The following CYP27B1 variants were observed in gnomAD, a reference collection of about 807,000 sequenced individuals.
The protein encoded by CYP27B1 is cytochrome P450 family 27 subfamily B member 1.
Under a neutral mutation model 54.8 loss-of-function variants are expected in CYP27B1, and 46 were observed. The observed-to-expected ratio is 0.84, with a 90% CI of 0.66 to 1.07. CYP27B1 has a LOEUF of 1.07. Among genes scored for constraint, CYP27B1 ranks in the 50% least tolerant of loss-of-function variants. The pLI is 0.00. For missense variants in CYP27B1, 674 were observed against 692.2 expected, an observed-to-expected ratio of 0.97 and a Z score of 0.30; for synonymous variants, 292 against 297.3, an observed-to-expected ratio of 0.98 and a Z score of 0.18.
At chr12:57,766,389 G>A (rs1955360904) in intron 1 of CYP27B1, 192 bp from the exon 2 acceptor site, 3 of 765,238 alleles carry the variant, frequency 3.9e-6, no homozygotes, top group Non-Finnish European at 5.9e-6. Context: ...AAGTTTGAGT[G>A]TGATGGGCAA....
chr12:57,763,968 A>G (rs931210968), intron 7 of CYP27B1, 130 bp downstream of exon 7: 1 of 1,073,428 alleles, frequency 9.3e-7, no homozygotes, highest in African/African-American at 1.6e-5. Flanking sequence ...ATTACATCCT[A>G]GAAAGGCATA....
chr12:57,763,215 G>T lies in CYP27B1; in HGVS notation c.1454C>A (p.Ala485Asp). Reference sequence around the variant, plus strand: ...AGTCCGGGTCTTGGGTCTAACTGGGGCCGCACCTGGCTCAGGCTGCACCTC... The same window carrying T: ...AGTCCGGGTCTTGGGTCTAACTGGGTCCGCACCTGGCTCAGGCTGCACCTC... Reference protein sequence around the residue: ...HFEVQPEPGAAPVRPKTRTVL... With the variant: ...HFEVQPEPGADPVRPKTRTVL... The change falls in exon 9 of 9, where the codon GCC (alanine) becomes GAC (aspartate). Residue 485 changes from alanine to aspartate, a missense_variant. Transcript: ENST00000228606. 6.2e-7 allele frequency: 1 copy of T among 1,614,172 alleles called. No homozygotes were observed. The highest frequency in any genetic ancestry group is 8.5e-7 in the Non-Finnish European group (1 of 1,180,018).
chr12:57,765,882 A>C lies in CYP27B1; in HGVS notation c.386+125T>G. The C allele has an allele frequency of 1.4e-6, 2 of 1,429,848 alleles. No homozygotes were observed. Among genetic ancestry groups the C allele is most frequent in the Non-Finnish European group, 1.8e-6 (2 of 1,093,182 alleles). The allele number at this position is 1,429,848 out of a possible 1,614,324, so 88.6% of individuals were successfully genotyped here. On this transcript the variant is annotated intron_variant, in intron 2 of 8. Coordinates refer to ENST00000228606, the MANE Select transcript of CYP27B1 (RefSeq NM_000785.4). This position sits in a 1 kb window ranked among gnomAD's most constrained non-coding sequence, Gnocchi z 5.8. ...GAAGCAGACTGGGATGGGAACCCCAAGATGCCCAATGGTAGAGTGGGACAG... is the reference window on the plus strand; with the variant it reads ...GAAGCAGACTGGGATGGGAACCCCACGATGCCCAATGGTAGAGTGGGACAG...
chr12:57,765,081 G>A lies in CYP27B1; in HGVS notation c.720C>T (p.His240=), dbSNP rs770528985. Residue 240 remains histidine (H), a synonymous_variant, in exon 4 of 9, where the codon CAC becomes CAT. Transcript: ENST00000228606. This position sits in a 1 kb window ranked among gnomAD's most constrained non-coding sequence, Gnocchi z 5.8. ...GCCCAGGCACAAGGTGGCGCAGCCA[G>A]TGGGGCATCGCCATGGTCAACAGCG... The part of the protein sequence containing the change: ...VSTLLTMAMP[H]WLRHLVPGPW... 1 of 1,613,878 alleles carries A rather than the reference G, an allele frequency of 6.2e-7. No homozygotes were observed. The highest frequency in any genetic ancestry group is 8.5e-7 in the Non-Finnish European group (1 of 1,180,036).
chr12:57,763,349 T>G, intron 8 of CYP27B1, 94 bp from the exon 9 acceptor site: 1 of 994,906 alleles, frequency 1.0e-6, no homozygotes, highest in Non-Finnish European at 1.6e-6. Flanking sequence ...GCATTATTAG[T>G]GTTAGAATGG....
rs387906260 is a variant in CYP27B1 at position 57,766,130 on chromosome 12, AC to A, written c.262del (p.Val88TrpfsTer71). On this transcript the variant is annotated frameshift_variant, in exon 2 of 9. Coordinates refer to ENST00000228606, the MANE Select transcript of CYP27B1 (RefSeq NM_000785.4). LOFTEE classifies it high-confidence loss of function. Reference protein sequence around the residue: ...ASFGTVRTVYVAAPALVEELL... With the variant: ...ASFGTVRTVYXAAPALVEELL... ...CTCCTCGACGAGTGCAGGGGCAGCCACGTACACGGTGCGCACTGTCCCAAAG... is the reference window on the plus strand; with the variant it reads ...CTCCTCGACGAGTGCAGGGGCAGCCAGTACACGGTGCGCACTGTCCCAAAG... The A allele has an allele frequency of 3.0e-5, 47 of 1,546,336 alleles. No individual in the cohort carries two copies. The highest frequency in any genetic ancestry group is 3.9e-5 in the Non-Finnish European group (45 of 1,149,016).
At position 57,765,813 on chromosome 12, in the gene CYP27B1, G is replaced by A. The variant is rs1270311598; in HGVS notation, c.386+194C>T. 8.9e-6 allele frequency: 10 copies of A among 1,127,182 alleles called. No individual in the cohort carries two copies. Among genetic ancestry groups the A allele is most frequent in the Middle Eastern group, 2.8e-4 (1 of 3,566 alleles). 69.8% of individuals were successfully genotyped at this position (1,127,182 alleles called of 1,614,324 possible). On this transcript the variant is annotated intron_variant, in intron 2 of 8. Transcript: ENST00000228606. The surrounding 1 kb of genome is among the most constrained non-coding windows in gnomAD (Gnocchi z 5.8). ...CAGGATTCGGGCCTCAAAGGATAAG[G>A]AGGTAGGCGGGGAGTGAGGTTGGGG...
rs1174482641 is a variant in CYP27B1 at position 57,766,938 on chromosome 12, C to G, written c.104G>C (p.Arg35Pro). The G allele has an allele frequency of 6.2e-7, 1 of 1,614,032 alleles. No homozygotes were observed. Among genetic ancestry groups the G allele is most frequent in the Non-Finnish European group, 8.5e-7 (1 of 1,180,024 alleles). ...LGYREYHSAR[R>P]SLADIPGPST... ...GGGGCCTGGGATGTCTGCCAAGCTC[C>G]GGCGTGCTGAGTGGTACTCTCGGTA... is the stretch of plus-strand genomic sequence containing the variant. Residue 35 changes from arginine to proline, a missense_variant, in exon 1 of 9, where the codon CGG becomes CCG. Transcript: ENST00000228606.
chr12:57,766,609 G>C, intron 1 of CYP27B1: 1 of 597,886 alleles, frequency 1.7e-6, no homozygotes, highest in Non-Finnish European at 3.0e-6. Context: ...TTATCTGCAG[G>C]ATCTCCACAC....
chr12:57,765,770 T>TCCGGTTCCC lies in CYP27B1; in HGVS notation c.386+228_386+236dup. 2.3e-6 allele frequency: 2 copies of TCCGGTTCCC among 864,826 alleles called. No individual in the cohort carries two copies. The highest frequency in any genetic ancestry group is 2.7e-5 in the East Asian group (1 of 37,314). 53.6% of individuals were successfully genotyped at this position (864,826 alleles called of 1,614,324 possible). A position where few individuals can be genotyped will look rare whatever the true frequency, so the allele number is the denominator to read the frequency against. The stretch of plus-strand genomic sequence containing the variant: ...GATCCTTGTACCCTAGCCCAATTCC[T>TCCGGTTCCC]CCGGTTCCCCCAGTTCCCAGGATTC... On this transcript the variant is annotated intron_variant, in intron 2 of 8. Coordinates refer to ENST00000228606, the MANE Select transcript of CYP27B1 (RefSeq NM_000785.4). The surrounding 1 kb of genome is among the most constrained non-coding windows in gnomAD (Gnocchi z 5.8).
rs370689065 is a variant in CYP27B1, at chr12:57,766,082, C to T, written c.311G>A (p.Arg104Gln). The T allele has an allele frequency of 2.1e-5, 32 of 1,551,396 alleles. No individual in the cohort carries two copies. The highest frequency in any genetic ancestry group is 2.7e-5 in the Non-Finnish European group (31 of 1,152,466). ...GGGCGAGAAGCTGCAGCGCTCGGGC[C>T]GGGGTCCCTCCTGTCGCAGCAGCTC... Reference protein sequence around the residue: ...VEELLRQEGPRPERCSFSPWT... With the variant: ...VEELLRQEGPQPERCSFSPWT... Residue 104 changes from arginine (R) to glutamine (Q), a missense_variant, in exon 2 of 9, where the codon CGG (arginine) becomes CAG (glutamine). By Grantham distance (43) the Arg-to-Gln change is conservative. Coordinates refer to ENST00000228606, the MANE Select transcript of CYP27B1 (RefSeq NM_000785.4).
chr12:57,763,477 G>A lies in CYP27B1; in HGVS notation c.1413+134C>T, dbSNP rs1453391599. 5 of 947,060 alleles carry A rather than the reference G, an allele frequency of 5.3e-6. No homozygotes were observed. In the African/African-American group the frequency reaches 6.5e-5, roughly 12 times the overall value. The allele number at this position is 947,060 out of a possible 1,614,324, so 58.7% of individuals were successfully genotyped here. A position where few individuals can be genotyped will look rare whatever the true frequency, so the allele number is the denominator to read the frequency against. ...CACTTACACTCCAGGCCTATAATGG[G>A]CTTATCATATTTCAGAAGATTCATT... On this transcript the variant is annotated intron_variant, in intron 8 of 8. Transcript: ENST00000228606.
intron 1 of CYP27B1, 166 bp from the exon 2 acceptor site, chr12:57,766,363 A>C: frequency 2.1e-6 from 2 of 947,676 alleles, no homozygotes; most frequent in South Asian, 2.1e-5. Flanking sequence ...CTCCTCTCTC[A>C]TTTCCCATCC....
chr12:57,766,477 T>C (rs1054280320), intron 1 of CYP27B1: 22 of 569,074 alleles, frequency 3.9e-5, no homozygotes, highest in Middle Eastern at 9.1e-4. Flanking sequence ...AAAAGTTCCA[T>C]GTCTGGACTG....
chr12:57,765,797 G>A lies in CYP27B1; in HGVS notation c.386+210C>T. ...CGGTTCCCCCAGTTCCCAGGATTCG[G>A]GCCTCAAAGGATAAGGAGGTAGGCG... On this transcript the variant is annotated intron_variant, in intron 2 of 8. Coordinates refer to ENST00000228606, the MANE Select transcript of CYP27B1 (RefSeq NM_000785.4). This position sits in a 1 kb window ranked among gnomAD's most constrained non-coding sequence, Gnocchi z 5.8. 2.0e-6 allele frequency: 2 copies of A among 995,986 alleles called. No homozygotes were observed. Among genetic ancestry groups the A allele is most frequent in the Non-Finnish European group, 2.9e-6 (2 of 694,820 alleles). The allele number at this position is 995,986 out of a possible 1,614,324, so 61.7% of individuals were successfully genotyped here. A position where few individuals can be genotyped will look rare whatever the true frequency, so the allele number is the denominator to read the frequency against.
intron 1 of CYP27B1, 151 bp downstream of exon 1, chr12:57,766,696 C>T: frequency 1.2e-6 from 1 of 868,326 alleles, no homozygotes; most frequent in Non-Finnish European, 1.8e-6. Context: ...TGTAGCCACA[C>T]CGCCCCCAGC....
intron 6 of CYP27B1, 67 bp downstream of exon 6, chr12:57,764,311 A>G (rs1955340765): frequency 6.2e-7 from 1 of 1,600,748 alleles, no homozygotes; most frequent in Non-Finnish European, 8.6e-7. Flanking sequence ...CCCTGCTTCC[A>G]TCCACTAGTT....
chr12:57,766,429 A>G (rs1955361321), intron 1 of CYP27B1: 1 of 577,800 alleles, frequency 1.7e-6, no homozygotes, highest in African/African-American at 1.9e-5. Context: ...GCAGACATTC[A>G]GGACCTCTCT....
chr12:57,766,071 A>G lies in CYP27B1; in HGVS notation c.322T>C (p.Cys108Arg), dbSNP rs1955357999. The G allele has an allele frequency of 1.3e-6, 2 of 1,555,900 alleles. No homozygotes were observed. The highest frequency in any genetic ancestry group is 1.4e-5 in the African/African-American group (1 of 73,936). ...LRQEGPRPER[C>R]SFSPWTEHRR... is the part of the protein sequence containing the mutation. ...TGCTCCGTCCAGGGCGAGAAGCTGC[A>G]GCGCTCGGGCCGGGGTCCCTCCTGT... is the stretch of plus-strand genomic sequence containing the variant. Residue 108 changes from cysteine (C) to arginine (R), a missense_variant, in exon 2 of 9, where the codon TGC (cysteine) becomes CGC (arginine). Physicochemically the swap from Cys to Arg is radical, Grantham distance 180. Coordinates refer to ENST00000228606, the MANE Select transcript of CYP27B1 (RefSeq NM_000785.4).
Sources: allele counts gnomAD v4.1 joint callset, GRCh38; gene constraint gnomAD v4.1.1; non-coding constraint Gnocchi (gnomAD v3.1); transcripts MANE v1.5; gene names NCBI Gene and HGNC (gene_info 2026-07-23, HGNC 2026-07-21).